The following VPS13C variants were observed in gnomAD, a reference collection of about 807,000 sequenced individuals.
VPS13C encodes the protein intermembrane lipid transfer protein VPS13C.
A neutral mutation model predicts 456.8 loss-of-function variants in VPS13C; 358 were observed. The ratio of observed to expected loss-of-function variants is 0.78; its 90% CI spans 0.72 to 0.86. The LOEUF is 0.86. Among genes scored for constraint, VPS13C ranks in the 40% least tolerant of loss-of-function variants. The pLI is 0.00. For missense variants in VPS13C, 4,818 were observed against 4,385.4 expected, an observed-to-expected ratio of 1.10 and a Z score of -2.79; for synonymous variants, 1,578 against 1,486.7, an observed-to-expected ratio of 1.06 and a Z score of -1.41.
Position 61,929,621 on chromosome 15 carries a change from A to G in VPS13C, c.6166T>C (p.Phe2056Leu). The change falls in exon 51 of 85, where the codon TTT becomes CTT. Residue 2056 changes from phenylalanine to leucine, a missense_variant. This residue lies in a region of VPS13C where 4,552 missense variants were observed against 4,130.6 expected (regional missense o/e 1.10). Transcript: ENST00000644861. ...DKLYVCASVEFLMTVADFFIK... is the reference protein window; with the variant it reads ...DKLYVCASVELLMTVADFFIK... ...AAGAAATCTGCCACAGTCATCAGAA[A>G]TTCCACACTGGCACATACATACAGC... is the stretch of plus-strand genomic sequence containing the variant. 1 of 1,614,152 alleles carries G rather than the reference A, an allele frequency of 6.2e-7. No individual in the cohort carries two copies. Among genetic ancestry groups the G allele is most frequent in the Middle Eastern group, 1.7e-4 (1 of 6,058 alleles).
chr15:61,968,958 A>C (rs931572613), intron 28 of VPS13C, among the ~76,000 whole-genome samples: 2 of 152,110 alleles, frequency 1.3e-5, no homozygotes, highest in African/African-American at 4.8e-5. Flanking sequence ...GGATTTTTAG[A>C]GACTCTCTGA....
In VPS13C at chr15:61,927,204, T is replaced by C. The variant is rs1220822618; in HGVS notation, c.6403A>G (p.Asn2135Asp). Residue 2135 changes from asparagine (N) to aspartate (D), a missense_variant, in exon 52 of 85, where the codon AAC (asparagine) becomes GAC (aspartate). By Grantham distance (23) the Asn-to-Asp change is conservative. Around this residue, in one of 3 missense-constraint regions of VPS13C, gnomAD observed 4,552 missense variants for 4,130.6 expected, o/e 1.10. Coordinates refer to ENST00000644861, the MANE Select transcript of VPS13C (RefSeq NM_020821.3). ...APALTASFQC[N>D]LSLSTSKLEQ... ...AGTTTGGATGTTGACAGAGAAAGGT[T>C]GCACTGAAACGAGGCTGTCAGAGCA... 2 of 1,614,066 alleles carry C rather than the reference T, an allele frequency of 1.2e-6. No individual in the cohort carries two copies. Among genetic ancestry groups the C allele is most frequent in the Non-Finnish European group, 8.5e-7 (1 of 1,180,034 alleles).
At chr15:62,023,260 G>T in intron 8 of VPS13C, 151 bp downstream of exon 8, 3 of 387,220 alleles carry the variant, frequency 7.7e-6, no homozygotes, top group Non-Finnish European at 1.4e-5. Flanking sequence ...CCAATAAAAC[G>T]AGGCTAACAC....
At chr15:62,008,483 G>A (rs1197411930) in intron 14 of VPS13C, among the ~76,000 whole-genome samples, 172 bp downstream of exon 14, 3 of 152,016 alleles carry the variant, frequency 2.0e-5, no homozygotes, top group African/African-American at 7.2e-5. Context: ...TACAAAAGAA[G>A]TGAAAGCTGT....
At chr15:62,002,891 G>A (rs942308548) in intron 15 of VPS13C, among the ~76,000 whole-genome samples, 3 of 152,074 alleles carry the variant, frequency 2.0e-5, no homozygotes, top group Non-Finnish European at 4.4e-5. Context: ...CTCTATTTTG[G>A]TACCAGTACC....
intron 9 of VPS13C, among the ~76,000 whole-genome samples, chr15:62,015,597 T>TA (rs1567112730): frequency 6.9e-6 from 1 of 144,172 alleles, no homozygotes; most frequent in Non-Finnish European, 1.5e-5. Context: ...TATGCAGCCA[T>TA]AAAAAATGAT....
chr15:62,052,128 A>T (rs2048640892), intron 1 of VPS13C, among the ~76,000 whole-genome samples: 1 of 152,188 alleles, frequency 6.6e-6, no homozygotes. Flanking sequence ...CACAAAAACC[A>T]TCCAACAAAC....
In VPS13C at chr15:61,874,812, A is replaced by G. The variant is rs1895291205; in HGVS notation, c.10414+64T>C. 8 of 1,398,150 alleles carry G rather than the reference A, an allele frequency of 5.7e-6. No homozygotes were observed. In the Admixed American group the frequency reaches 1.3e-4, roughly 24 times the overall value. The allele number at this position is 1,398,150 out of a possible 1,614,324, so 86.6% of individuals were successfully genotyped here. A position where few individuals can be genotyped will look rare whatever the true frequency, so the allele number is the denominator to read the frequency against. Reference sequence around the variant, plus strand: ...TTAAATAAAAGCATTTGTTTTTCATAACAACGTATTTCATAACAATATAAT... The same window carrying G: ...TTAAATAAAAGCATTTGTTTTTCATGACAACGTATTTCATAACAATATAAT... On this transcript the variant is annotated intron_variant, in intron 77 of 84. Transcript: ENST00000644861.
In VPS13C at chr15:61,966,150, A is replaced by C; in HGVS notation, c.2992-8T>G. The C allele has an allele frequency of 6.3e-7, 1 of 1,597,790 alleles. No homozygotes were observed. The highest frequency in any genetic ancestry group is 8.5e-7 in the Non-Finnish European group (1 of 1,171,342). ...AGGTCCATTCTTATCAGCCTGAAAA[A>C]AGAAGTAAAAGTTCTAAAGAAGGTA... On this transcript the variant is annotated splice_region_variant and splice_polypyrimidine_tract_variant and intron_variant, in intron 29 of 84. Coordinates refer to ENST00000644861, the MANE Select transcript of VPS13C (RefSeq NM_020821.3).
intron 43 of VPS13C, 54 bp downstream of exon 43, chr15:61,947,139 T>C: frequency 8.3e-7 from 1 of 1,203,998 alleles, no homozygotes; most frequent in Non-Finnish European, 1.2e-6. Context: ...CAAGCTCATT[T>C]TTCCTAGTTA....
intron 66 of VPS13C, among the ~76,000 whole-genome samples, chr15:61,900,912 A>T (rs2042977874): frequency 6.6e-6 from 1 of 151,494 alleles, no homozygotes; most frequent in African/African-American, 2.4e-5. Context: ...CAAAACAGAG[A>T]TAAAGATCAA....
intron 66 of VPS13C, among the ~76,000 whole-genome samples, chr15:61,893,824 T>C (rs909845493): frequency 3.9e-5 from 6 of 152,072 alleles, no homozygotes; most frequent in African/African-American, 1.4e-4. Flanking sequence ...TAAGTTGTCA[T>C]TTGTTTAAAA....
chr15:62,048,534 T>C (rs1296923272), intron 1 of VPS13C, among the ~76,000 whole-genome samples: 3 of 152,190 alleles, frequency 2.0e-5, no homozygotes, highest in African/African-American at 7.2e-5. Flanking sequence ...TCCAAGTCTT[T>C]GCTATTGTGA....
At chr15:61,856,628 C>T (rs994011508) in intron 82 of VPS13C, 49 of 364,468 alleles carry the variant, frequency 1.3e-4, no homozygotes, top group African/African-American at 1.0e-3. Context: ...CTCAAAAATT[C>T]CCCTTCTGTC....
At chr15:61,962,254 A>T in intron 34 of VPS13C, 117 bp downstream of exon 34, 2 of 901,218 alleles carry the variant, frequency 2.2e-6, no homozygotes, top group Non-Finnish European at 3.2e-6. Flanking sequence ...TCACGCATAA[A>T]TATAATTAAA....
intron 47 of VPS13C, among the ~76,000 whole-genome samples, chr15:61,939,055 T>C (rs1326160376): frequency 6.6e-6 from 1 of 152,250 alleles, no homozygotes; most frequent in Non-Finnish European, 1.5e-5. Flanking sequence ...TATAGTTCTA[T>C]TTTATTCACT....
chr15:61,929,465 A>T, intron 51 of VPS13C, 36 bp downstream of exon 51: 1 of 1,572,654 alleles, frequency 6.4e-7, no homozygotes, highest in East Asian at 2.3e-5. Context: ...GTCAAAATAT[A>T]CAAGTTGTCA....
intron 35 of VPS13C, 58 bp from the exon 36 acceptor site, chr15:61,959,653 T>A: frequency 1.3e-6 from 2 of 1,536,198 alleles, no homozygotes; most frequent in Admixed American, 1.9e-5. Flanking sequence ...TGCAACATAT[T>A]AAAAAAAAGC....
At position 62,001,516 on chromosome 15, in the gene VPS13C, CT is replaced by C. The variant is rs556179507; in HGVS notation, c.1291-891del. 1.9e-4 allele frequency among the ~76,000 whole-genome samples: 28 copies of C among 151,078 alleles called. 1 individual carries two copies. Among genetic ancestry groups the C allele is most frequent in the South Asian group, 1.7e-3 (8 of 4,788 alleles). ...TTGATTATTTGTTTGTTCGTATTTA[CT>C]TTTTTTTTATTATTAGTATACTTTA... On this transcript the variant is annotated intron_variant, in intron 15 of 84. Coordinates refer to ENST00000644861, the MANE Select transcript of VPS13C (RefSeq NM_020821.3).
Sources: gnomAD v4.1 joint callset for allele counts (sites outside exome capture counted in the v4.1 genomes callset) on GRCh38, gnomAD v4.1.1 for gene constraint, gnomAD v4.1.1 regional missense constraint, MANE v1.5 for transcripts, NCBI Gene and HGNC (gene_info 2026-07-23, HGNC 2026-07-21) for gene names.